Variants in EMILIN2 observed in about 807,000 individuals in gnomAD.
EMILIN2 encodes elastin microfibril interfacer 2, also known as EMILIN-2.
EMILIN2 carries 71 observed loss-of-function variants against 87.1 expected under a neutral mutation model. That is an observed-to-expected ratio of 0.82 (90% CI 0.67 to 0.99). The LOEUF (loss-of-function observed/expected upper bound fraction) is 0.99, where lower values mean the gene tolerates loss of function less well. Ranked by LOEUF, EMILIN2 falls within the 50% of genes least tolerant of loss-of-function variation. EMILIN2 has a pLI of 0.00. For synonymous variants in EMILIN2, 581 were observed against 563.4 expected (o/e 1.03, Z -0.44); for missense variants, 1,407 against 1,371.8 (o/e 1.03, Z -0.40).
At chr18:2,877,015 G>T (rs1164409854) in intron 2 of EMILIN2, among the ~76,000 whole-genome samples, 2 of 152,190 alleles carry the variant, frequency 1.3e-5, no homozygotes, top group African/African-American at 4.8e-5. Flanking sequence ...AAAGAGATAA[G>T]ATGAAAATTC....
At chr18:2,906,685 G>A (rs1465418248) in intron 4 of EMILIN2, 98 bp from the exon 5 acceptor site, 2 of 998,552 alleles carry the variant, frequency 2.0e-6, no homozygotes, top group Non-Finnish European at 2.6e-6. Context: ...TCCTCACGGG[G>A]ACCCCGCTCG....
rs531167529 is a variant in EMILIN2 at position 2,857,851 on chromosome 18, C to T, written c.257+9920C>T. On this transcript the variant is annotated intron_variant, in intron 2 of 7. Coordinates refer to ENST00000254528, the MANE Select transcript of EMILIN2 (RefSeq NM_032048.3). ...AGCAGGAGCAGCAGCCTGCTGGTGCCAGGAAGCAAGGTCAGGGCCCCCACT... is the reference window on the plus strand; with the variant it reads ...AGCAGGAGCAGCAGCCTGCTGGTGCTAGGAAGCAAGGTCAGGGCCCCCACT... 5.3e-5 allele frequency among the ~76,000 whole-genome samples: 8 copies of T among 152,296 alleles called. No individual in the cohort carries two copies. In the South Asian group the frequency reaches 1.5e-3, roughly 28 times the overall value.
intron 2 of EMILIN2, among the ~76,000 whole-genome samples, chr18:2,869,810 G>A (rs1263881242): frequency 4.5e-5 from 4 of 89,542 alleles, no homozygotes; most frequent in African/African-American, 1.3e-4. Context: ...GTGTGTGTGT[G>A]TGTACCATCA....
At chr18:2,846,947 C>G, upstream of EMILIN2, 1 of 997,394 alleles carries the variant, frequency 1.0e-6, no homozygotes, top group East Asian at 1.1e-4. This position sits in a 1 kb window ranked among gnomAD's most constrained non-coding sequence, Gnocchi z 5.3. Context: ...AGGGCGGCAC[C>G]CGGGGGGACC....
chr18:2,887,454 G>T (rs2076808506), intron 3 of EMILIN2, among the ~76,000 whole-genome samples: 1 of 151,656 alleles, frequency 6.6e-6, no homozygotes, highest in Non-Finnish European at 1.5e-5. Context: ...TTCATGAATG[G>T]CTTGGTACCC....
chr18:2,866,182 T>C (rs571346489), intron 2 of EMILIN2, among the ~76,000 whole-genome samples: 1 of 152,338 alleles, frequency 6.6e-6, no homozygotes, highest in African/African-American at 2.4e-5. Flanking sequence ...CTCGCCCTGC[T>C]TCGGCTCACA....
intron 2 of EMILIN2, among the ~76,000 whole-genome samples, chr18:2,877,948 G>A (rs1270891170): frequency 1.3e-5 from 2 of 152,162 alleles, no homozygotes; most frequent in South Asian, 2.1e-4. Flanking sequence ...TAAGCCAGTC[G>A]CAAAGAGACA....
At chr18:2,853,308 C>A (rs1010060717) in intron 2 of EMILIN2, among the ~76,000 whole-genome samples, 1 of 152,096 alleles carries the variant, frequency 6.6e-6, no homozygotes, top group Non-Finnish European at 1.5e-5. Context: ...ATCCTGCCAC[C>A]CCCCCAGCCC....
At position 2,848,593 on chromosome 18, in the gene EMILIN2, T is replaced by TAA. The variant is rs35023532; in HGVS notation, c.257+676_257+677dup. Among the ~76,000 whole-genome samples, 1,818 of 140,438 alleles carry TAA rather than the reference T, an allele frequency of 0.013. 33 individuals carry two copies. Among genetic ancestry groups the TAA allele is most frequent in the African/African-American group, 0.041 (1,588 of 38,858 alleles). 92.1% of individuals were successfully genotyped at this position (140,438 alleles called of 152,430 possible). A position where few individuals can be genotyped will look rare whatever the true frequency, so the allele number is the denominator to read the frequency against. On this transcript the variant is annotated intron_variant, in intron 2 of 7. Coordinates refer to ENST00000254528, the MANE Select transcript of EMILIN2 (RefSeq NM_032048.3). The surrounding 1 kb of genome is among the most constrained non-coding windows in gnomAD (Gnocchi z 4.1). Reference sequence around the variant, plus strand: ...TTTGCTTATAAAGATTTCCCCATCTTAAAAAAAAAAAAAAACAGGAAGCAA... The same window carrying TAA: ...TTTGCTTATAAAGATTTCCCCATCTTAAAAAAAAAAAAAAAAACAGGAAGCAA...
intron 2 of EMILIN2, among the ~76,000 whole-genome samples, chr18:2,865,364 G>T (rs960173468): frequency 3.9e-5 from 6 of 152,130 alleles, no homozygotes; most frequent in African/African-American, 1.4e-4. Flanking sequence ...TTTGATCTTT[G>T]ATGATGGTGA....
intron 7 of EMILIN2, among the ~76,000 whole-genome samples, chr18:2,910,251 A>G (rs537399614): frequency 6.6e-6 from 1 of 152,224 alleles, no homozygotes; most frequent in Admixed American, 6.5e-5. Flanking sequence ...AGGGTCTCCT[A>G]GTTTATGATG....
At chr18:2,884,918 T>A in intron 2 of EMILIN2, 46 bp from the exon 3 acceptor site, 1 of 1,531,516 alleles carries the variant, frequency 6.5e-7, no homozygotes, top group Non-Finnish European at 8.8e-7. Flanking sequence ...GGAAGTTGCT[T>A]GTAACGGCAG....
intron 5 of EMILIN2, 61 bp from the exon 6 acceptor site, chr18:2,908,882 C>G (rs2076927401): frequency 6.2e-7 from 1 of 1,602,892 alleles, no homozygotes; most frequent in African/African-American, 1.3e-5. Flanking sequence ...AAAGGGGGCT[C>G]AGAACAAGGA....
intron 2 of EMILIN2, among the ~76,000 whole-genome samples, chr18:2,872,235 A>G (rs981335068): frequency 2.0e-5 from 3 of 152,232 alleles, no homozygotes; most frequent in Non-Finnish European, 2.9e-5. Flanking sequence ...ATGAAAAAGC[A>G]TGTGTTTTTA....
chr18:2,871,379 G>T (rs2076719057), intron 2 of EMILIN2, among the ~76,000 whole-genome samples: 1 of 152,184 alleles, frequency 6.6e-6, no homozygotes, highest in Admixed American at 6.5e-5. Flanking sequence ...ACCTGGCAGG[G>T]ACATCATCAG....
At chr18:2,873,583 T>G in intron 2 of EMILIN2, among the ~76,000 whole-genome samples, 1 of 151,452 alleles carries the variant, frequency 6.6e-6, no homozygotes, top group Non-Finnish European at 1.5e-5. Flanking sequence ...GGCGGGCGCC[T>G]GTAGTCCCAG....
intron 5 of EMILIN2, among the ~76,000 whole-genome samples, chr18:2,907,632 C>T (rs2076921059): frequency 1.3e-5 from 2 of 152,194 alleles, no homozygotes; most frequent in South Asian, 4.1e-4. Context: ...ATGTCTGCAC[C>T]ATTACTGTCG....
intron 4 of EMILIN2, among the ~76,000 whole-genome samples, chr18:2,898,042 C>T (rs766301712): frequency 6.6e-6 from 1 of 152,200 alleles, no homozygotes; most frequent in Non-Finnish European, 1.5e-5. Context: ...GTTGAGCCCT[C>T]CTTCCCAGAT....
chr18:2,903,974 G>T (rs1003979316), intron 4 of EMILIN2, among the ~76,000 whole-genome samples: 1 of 152,136 alleles, frequency 6.6e-6, no homozygotes, highest in African/African-American at 2.4e-5. Context: ...TTTCAGTAGT[G>T]CACATTTCCC....
Sources: allele counts gnomAD v4.1 joint callset (sites outside exome capture counted in the v4.1 genomes callset), GRCh38; gene constraint gnomAD v4.1.1; non-coding constraint Gnocchi (gnomAD v3.1); transcripts MANE v1.5; gene names NCBI Gene and HGNC (gene_info 2026-07-23, HGNC 2026-07-21).